The following ARHGAP6 variants were observed in gnomAD, a reference collection of about 807,000 sequenced individuals.
The protein encoded by ARHGAP6 is rho GTPase-activating protein 6.
Under a neutral mutation model 55.7 loss-of-function variants are expected in ARHGAP6, and 16 were observed. That is an observed-to-expected ratio of 0.29 (90% CI 0.19 to 0.44). The LOEUF (loss-of-function observed/expected upper bound fraction) is 0.44, where lower values mean the gene tolerates loss of function less well. ARHGAP6 is among the 20% of genes least tolerant of loss of function. The pLI is 1.00. For synonymous variants in ARHGAP6, 382 were observed against 360.9 expected, an observed-to-expected ratio of 1.06 and a Z score of -0.66; for missense variants, 698 against 808.9, an observed-to-expected ratio of 0.86 and a Z score of 1.66.
chrX:11,377,432 G>A (rs1467427229), intron 1 of ARHGAP6, among the ~76,000 whole-genome samples: 2 of 111,719 alleles, frequency 1.8e-5, no homozygotes, highest in Non-Finnish European at 3.8e-5. Flanking sequence ...ACTGCTAATG[G>A]GTATGGAGTT....
intron 1 of ARHGAP6, among the ~76,000 whole-genome samples, chrX:11,579,578 C>T (rs939641481): frequency 2.7e-5 from 3 of 111,910 alleles, no homozygotes; most frequent in Non-Finnish European, 5.6e-5. Flanking sequence ...TCCCATAGTC[C>T]TTCTTACCTT....
intron 1 of ARHGAP6, among the ~76,000 whole-genome samples, chrX:11,312,493 C>T (rs1300103138): frequency 9.0e-6 from 1 of 111,697 alleles, no homozygotes; most frequent in Non-Finnish European, 1.9e-5. Context: ...GACTATCCAG[C>T]TGCCTTCTTG....
At chrX:11,333,607 T>G (rs1265140938) in intron 1 of ARHGAP6, among the ~76,000 whole-genome samples, 1 of 112,641 alleles carries the variant, frequency 8.9e-6, no homozygotes, top group African/African-American at 3.2e-5. Context: ...AAAATCTTTG[T>G]GCATAAGGAA....
intron 2 of ARHGAP6, among the ~76,000 whole-genome samples, chrX:11,227,554 C>T (rs992495860): frequency 3.6e-5 from 4 of 111,058 alleles, no homozygotes; most frequent in Non-Finnish European, 5.7e-5. Context: ...TAACACTCTC[C>T]CCTTTCTAAA....
At chrX:11,309,029 T>C (rs373590122) in intron 1 of ARHGAP6, among the ~76,000 whole-genome samples, 4 of 111,806 alleles carry the variant, frequency 3.6e-5, no homozygotes, top group Non-Finnish European at 7.5e-5. Context: ...TGAGCTTTGA[T>C]GTTAAAAGAG....
At chrX:11,204,750 C>A (rs943967857) in intron 2 of ARHGAP6, among the ~76,000 whole-genome samples, 3 of 112,041 alleles carry the variant, frequency 2.7e-5, no homozygotes, top group African/African-American at 9.7e-5. Context: ...GAACCAGCCA[C>A]CTCAAAGTCG....
At chrX:11,292,693 T>G (rs762165854) in intron 1 of ARHGAP6, among the ~76,000 whole-genome samples, 17 of 112,029 alleles carry the variant, frequency 1.5e-4, no homozygotes, top group Admixed American at 1.9e-4. Context: ...TAAAATGTGC[T>G]GTCTGGTGTG....
At chrX:11,449,236 G>A (rs765734521) in intron 1 of ARHGAP6, among the ~76,000 whole-genome samples, 5 of 111,481 alleles carry the variant, frequency 4.5e-5, no homozygotes, top group Non-Finnish European at 1.9e-5. Context: ...TTTATTCATT[G>A]GTCTCCCTGG....
intron 1 of ARHGAP6, among the ~76,000 whole-genome samples, chrX:11,452,320 G>A (rs753713382): frequency 9.0e-6 from 1 of 111,024 alleles, no homozygotes; most frequent in South Asian, 3.9e-4. Flanking sequence ...GCTACTTTTT[G>A]TATTTTTAGT....
intron 1 of ARHGAP6, among the ~76,000 whole-genome samples, chrX:11,352,655 A>G (rs1464287309): frequency 9.0e-6 from 1 of 111,657 alleles, no homozygotes; most frequent in Admixed American, 9.5e-5. Context: ...ATAATTCTCA[A>G]TTCTCCAGTA....
At chrX:11,385,493 A>T (rs1026831614) in intron 1 of ARHGAP6, among the ~76,000 whole-genome samples, 3 of 112,154 alleles carry the variant, frequency 2.7e-5, no homozygotes, top group Non-Finnish European at 5.6e-5. Context: ...GTATTAATAC[A>T]ATTGAGTTGA....
At chrX:11,206,493 G>T (rs2046706479) in intron 2 of ARHGAP6, among the ~76,000 whole-genome samples, 1 of 111,696 alleles carries the variant, frequency 9.0e-6, no homozygotes, top group African/African-American at 3.2e-5. Flanking sequence ...GTAATCAAAG[G>T]CACTGATGAT....
chrX:11,354,903 AAT>A (rs1323069258), intron 1 of ARHGAP6, among the ~76,000 whole-genome samples: 3 of 111,983 alleles, frequency 2.7e-5, no homozygotes, highest in Non-Finnish European at 3.8e-5. Context: ...AAGAATGCAT[AAT>A]ATAATAGAAG....
chrX:11,209,590 G>A (rs1184696910), intron 2 of ARHGAP6, among the ~76,000 whole-genome samples: 2 of 112,372 alleles, frequency 1.8e-5, no homozygotes, highest in African/African-American at 3.2e-5. Flanking sequence ...TAATAATTTT[G>A]TTTTATAATG....
At chrX:11,355,045 CAG>C (rs2048915554) in intron 1 of ARHGAP6, among the ~76,000 whole-genome samples, 1 of 111,588 alleles carries the variant, frequency 9.0e-6, no homozygotes, top group African/African-American at 3.3e-5. Context: ...ATTAATTAGA[CAG>C]AGAGAGGCAA....
chrX:11,633,046 C>T (rs1279945871), intron 1 of ARHGAP6, among the ~76,000 whole-genome samples: 1 of 111,777 alleles, frequency 8.9e-6, no homozygotes, highest in African/African-American at 3.3e-5. Context: ...GGGATCTAGG[C>T]TGACCCTGGG....
At chrX:11,534,505 G>A (rs1356870963) in intron 1 of ARHGAP6, among the ~76,000 whole-genome samples, 1 of 109,770 alleles carries the variant, frequency 9.1e-6, no homozygotes. Flanking sequence ...CCACTAGAGG[G>A]CTTCTAGAAG....
At chrX:11,206,014 T>C (rs1201586287) in intron 2 of ARHGAP6, among the ~76,000 whole-genome samples, 1 of 111,727 alleles carries the variant, frequency 9.0e-6, no homozygotes, top group African/African-American at 3.2e-5. Context: ...CATGCTTCTC[T>C]CCCCGGCATG....
chrX:11,420,267 G>GAATAAA (rs1328224297), intron 1 of ARHGAP6, among the ~76,000 whole-genome samples: 2 of 112,089 alleles, frequency 1.8e-5, no homozygotes. Flanking sequence ...ACGTTTTTAA[G>GAATAAA]TATTCAGGGT....
Sources: gnomAD v4.1 joint callset for allele counts (sites outside exome capture counted in the v4.1 genomes callset) on GRCh38, gnomAD v4.1.1 for gene constraint, MANE v1.5 for transcripts, NCBI Gene and HGNC (gene_info 2026-07-23, HGNC 2026-07-21) for gene names.